The following NDUFAF7 variants were observed in gnomAD, a reference collection of about 807,000 sequenced individuals.
NDUFAF7 encodes the protein protein arginine methyltransferase NDUFAF7, mitochondrial.
Under a neutral mutation model 47.2 loss-of-function variants are expected in NDUFAF7, and 48 were observed. The observed-to-expected ratio is 1.02, with a 90% CI of 0.81 to 1.29. NDUFAF7 has a LOEUF of 1.29. Ranked by LOEUF, NDUFAF7 falls within the 50% of genes most tolerant of loss-of-function variation. The pLI, the probability that NDUFAF7 is intolerant of heterozygous loss-of-function variation, is 0.00. For missense variants in NDUFAF7, 635 were observed against 537.6 expected, an observed-to-expected ratio of 1.18 and a Z score of -1.79; for synonymous variants, 217 against 190.0, an observed-to-expected ratio of 1.14 and a Z score of -1.17.
downstream of NDUFAF7, among the ~76,000 whole-genome samples, chr2:37,250,235 T>G (rs1241830968): frequency 6.6e-6 from 1 of 152,116 alleles, no homozygotes; most frequent in African/African-American, 2.4e-5. Flanking sequence ...ATTCCTGTAT[T>G]TGTTTTCTTT....
At chr2:37,234,890 C>T (rs1452198834) in intron 2 of NDUFAF7, among the ~76,000 whole-genome samples, 2 of 152,112 alleles carry the variant, frequency 1.3e-5, no homozygotes, top group Non-Finnish European at 2.9e-5. Context: ...TTCTTTAATT[C>T]TGGAGTGAGA....
At chr2:37,232,713 G>C (rs1265709309) in intron 2 of NDUFAF7, among the ~76,000 whole-genome samples, 2 of 152,124 alleles carry the variant, frequency 1.3e-5, no homozygotes. Context: ...CGTCTGTGTT[G>C]GAATGGCTTC....
chr2:37,231,946 G>T, intron 1 of NDUFAF7, 160 bp from the exon 2 acceptor site: 3 of 1,597,252 alleles, frequency 1.9e-6, no homozygotes, highest in Non-Finnish European at 1.7e-6. Context: ...GCAAGTGGGT[G>T]CTGTCTCTGC....
At chr2:37,253,222 G>T, downstream of NDUFAF7, 1 of 1,611,628 alleles carries the variant, frequency 6.2e-7, no homozygotes, top group Middle Eastern at 1.7e-4. Flanking sequence ...CCATAATGAA[G>T]TGCTTTGGGT....
chr2:37,244,020 CAA>C (rs1344537500), intron 7 of NDUFAF7, 47 bp downstream of exon 7: 4 of 1,438,428 alleles, frequency 2.8e-6, no homozygotes, highest in African/African-American at 2.8e-5. Flanking sequence ...ACAGAATCTT[CAA>C]AGTCTTATTT....
At chr2:37,237,341 A>T (rs1311319894) in intron 3 of NDUFAF7, among the ~76,000 whole-genome samples, 1 of 152,270 alleles carries the variant, frequency 6.6e-6, no homozygotes, top group Non-Finnish European at 1.5e-5. Context: ...GAAATAGGAA[A>T]TAGTGTATAC....
chr2:37,264,075 C>T, the NDUFAF7 span, among the ~76,000 whole-genome samples: 1 of 152,190 alleles, frequency 6.6e-6, no homozygotes, highest in Non-Finnish European at 1.5e-5. Flanking sequence ...TTTTACATTA[C>T]CACATAATCT....
At chr2:37,267,780 G>C in the NDUFAF7 span, 1 of 417,744 alleles carries the variant, frequency 2.4e-6, no homozygotes, top group Non-Finnish European at 4.2e-6. Flanking sequence ...GAATGAACTT[G>C]TTGCTGAAAA....
chr2:37,246,667 G>A (rs958255303), intron 8 of NDUFAF7, among the ~76,000 whole-genome samples: 1 of 151,810 alleles, frequency 6.6e-6, no homozygotes, highest in African/African-American at 2.4e-5. Context: ...AATGATCTTT[G>A]AATATAATCA....
intron 7 of NDUFAF7, 45 bp from the exon 8 acceptor site, chr2:37,246,007 C>T: frequency 6.2e-7 from 1 of 1,607,016 alleles, no homozygotes; most frequent in African/African-American, 1.3e-5. Context: ...GGAAGTCATT[C>T]TTTTGAATGA....
At chr2:37,242,376 A>G (rs1333751483) in intron 5 of NDUFAF7, 1 of 310,308 alleles carries the variant, frequency 3.2e-6, no homozygotes, top group Non-Finnish European at 6.0e-6. Context: ...TCTGACTTCT[A>G]ATTTCTTTCA....
At chr2:37,263,850 G>C in the NDUFAF7 span, among the ~76,000 whole-genome samples, 1 of 152,040 alleles carries the variant, frequency 6.6e-6, no homozygotes, top group East Asian at 1.9e-4. Context: ...TTTTTTTAAA[G>C]TATGCTCACT....
chr2:37,266,255 A>G, the NDUFAF7 span, among the ~76,000 whole-genome samples: 853 of 152,322 alleles, frequency 5.6e-3, 6 homozygotes, highest in African/African-American at 0.02. Flanking sequence ...ACCTTCTTCA[A>G]GGAAACTCAA....
the NDUFAF7 span, chr2:37,269,339 C>T: frequency 2.5e-6 from 1 of 397,254 alleles, no homozygotes; most frequent in Non-Finnish European, 4.7e-6. Flanking sequence ...CCATCTCCCC[C>T]CCTGCCTCCG....
rs202091844 is a variant in NDUFAF7 at position 37,246,106 on chromosome 2, G to A, written c.847G>A (p.Glu283Lys). Residue 283 changes from glutamate to lysine, a missense_variant, in exon 8 of 10, where the codon GAG becomes AAG. Physicochemically the swap from Glu to Lys is moderately conservative, Grantham distance 56. Coordinates refer to ENST00000002125, the MANE Select transcript of NDUFAF7 (RefSeq NM_144736.5). ...GTGTCCTGATGCTGGTGTTATCATCGAGGAACTTTCTCAACGCATTGCATT... is the reference window on the plus strand; with the variant it reads ...GTGTCCTGATGCTGGTGTTATCATCAAGGAACTTTCTCAACGCATTGCATT... ...EVCPDAGVII[E>K]ELSQRIALTG... 5 of 1,613,868 alleles carry A rather than the reference G, an allele frequency of 3.1e-6. No individual in the cohort carries two copies. The highest frequency in any genetic ancestry group is 4.5e-5 in the East Asian group (2 of 44,864).
the NDUFAF7 span, chr2:37,268,272 G>T: frequency 2.1e-6 from 1 of 469,334 alleles, no homozygotes; most frequent in South Asian, 1.6e-5. Context: ...GAACAAATGT[G>T]TGCATTTTTG....
chr2:37,247,067 A>G (rs1326650239), intron 8 of NDUFAF7, among the ~76,000 whole-genome samples: 1 of 152,090 alleles, frequency 6.6e-6, no homozygotes, highest in Non-Finnish European at 1.5e-5. Flanking sequence ...CCCCTCTAGT[A>G]GTCACCAGTG....
At chr2:37,267,503 A>G in the NDUFAF7 span, 8 of 1,611,366 alleles carry the variant, frequency 5.0e-6, no homozygotes, top group South Asian at 5.5e-5. Context: ...AATTACTTTA[A>G]TAGCCACATC....
chr2:37,238,577 C>G (rs886869683), intron 4 of NDUFAF7, among the ~76,000 whole-genome samples: 2 of 151,600 alleles, frequency 1.3e-5, no homozygotes, highest in Non-Finnish European at 2.9e-5. Context: ...AAAGCAAGAC[C>G]TCGTCTCTTT....
Sources: gnomAD v4.1 joint callset for allele counts (sites outside exome capture counted in the v4.1 genomes callset) on GRCh38, gnomAD v4.1.1 for gene constraint, MANE v1.5 for transcripts, NCBI Gene and HGNC (gene_info 2026-07-23, HGNC 2026-07-21) for gene names.